AOPEP: variants seen among roughly 807,000 people sequenced by gnomAD.
AOPEP encodes the protein aminopeptidase O (putative), also known as aminopeptidase O.
Under a neutral mutation model 98.1 loss-of-function variants are expected in AOPEP, and 77 were observed. The observed-to-expected ratio is 0.78, with a 90% CI of 0.65 to 0.95. The LOEUF (loss-of-function observed/expected upper bound fraction) is 0.95. Ranked by LOEUF, AOPEP falls within the 40% of genes least tolerant of loss-of-function variation. The pLI, the probability that AOPEP is intolerant of heterozygous loss-of-function variation, is 0.00. For synonymous variants in AOPEP, 346 were observed against 365.3 expected (o/e 0.95, Z 0.60); for missense variants, 1,024 against 1,024.7 (o/e 1.00, Z 0.01).
At chr9:95,007,195 C>G (rs2062094962) in intron 13 of AOPEP, among the ~76,000 whole-genome samples, 1 of 152,102 alleles carries the variant, frequency 6.6e-6, no homozygotes, top group Non-Finnish European at 1.5e-5. Flanking sequence ...CCACTGCACC[C>G]TGCCAGCTGT....
At chr9:94,776,273 C>A (rs964190556) in intron 3 of AOPEP, among the ~76,000 whole-genome samples, 1 of 151,978 alleles carries the variant, frequency 6.6e-6, no homozygotes. Flanking sequence ...TGTAACAGAG[C>A]GTAAAGAGTA....
chr9:94,879,080 G>A (rs900852129), intron 5 of AOPEP, among the ~76,000 whole-genome samples: 12 of 152,222 alleles, frequency 7.9e-5, no homozygotes, highest in Non-Finnish European at 1.6e-4. Flanking sequence ...GGTGGTGACA[G>A]CTGATCCAGG....
intron 13 of AOPEP, among the ~76,000 whole-genome samples, chr9:95,007,997 C>A (rs1234818985): frequency 6.6e-6 from 1 of 152,114 alleles, no homozygotes; most frequent in Non-Finnish European, 1.5e-5. Flanking sequence ...GCAGATTATT[C>A]AATTTCTCTT....
intron 7 of AOPEP, among the ~76,000 whole-genome samples, chr9:94,941,255 C>A (rs889201492): frequency 3.9e-5 from 6 of 152,356 alleles, no homozygotes; most frequent in Admixed American, 3.3e-4. Flanking sequence ...GAAAAAAGTT[C>A]TTGCCTTTAT....
chr9:94,951,339 A>T (rs1025342987), intron 7 of AOPEP, among the ~76,000 whole-genome samples: 1 of 152,094 alleles, frequency 6.6e-6, no homozygotes, highest in African/African-American at 2.4e-5. Flanking sequence ...CACAGCCAAG[A>T]TGGGGACCTG....
intron 13 of AOPEP, among the ~76,000 whole-genome samples, chr9:95,033,297 C>T (rs6479592): frequency 0.78 from 119,032 of 152,026 alleles, 48,160 homozygotes; most frequent in Non-Finnish European, 0.89. Context: ...GTTCTGGTGC[C>T]GTGTGCTCAG....
At chr9:94,763,959 GT>G (rs2132567534) in intron 2 of AOPEP, among the ~76,000 whole-genome samples, 1 of 152,292 alleles carries the variant, frequency 6.6e-6, no homozygotes, top group South Asian at 2.1e-4. Context: ...CCTCAAGGAG[GT>G]GGGGCATAAC....
intron 5 of AOPEP, among the ~76,000 whole-genome samples, chr9:94,913,648 C>T (rs561922203): frequency 7.2e-5 from 11 of 152,306 alleles, no homozygotes; most frequent in African/African-American, 1.4e-4. Flanking sequence ...ACCACTAAGA[C>T]GGTCTCTGAC....
chr9:95,080,909 G>C (rs1310854424), intron 15 of AOPEP, 129 bp downstream of exon 15: 1 of 722,308 alleles, frequency 1.4e-6, no homozygotes, highest in Non-Finnish European at 2.4e-6. Flanking sequence ...TTAAGGACTG[G>C]TGGGATCTTG....
At chr9:94,880,483 C>T (rs2047453899) in intron 5 of AOPEP, among the ~76,000 whole-genome samples, 3 of 151,704 alleles carry the variant, frequency 2.0e-5, no homozygotes, top group Non-Finnish European at 2.9e-5. Context: ...CCTCCCACCT[C>T]AGCCCCCAGA....
intron 9 of AOPEP, among the ~76,000 whole-genome samples, chr9:94,958,247 T>G (rs766343766): frequency 7.2e-5 from 11 of 152,254 alleles, no homozygotes; most frequent in Non-Finnish European, 1.5e-4. Context: ...AGCTGAATGC[T>G]CCATTGCATG....
In AOPEP at chr9:95,086,192, C is replaced by T. The variant is rs1042344831; in HGVS notation, c.*5-490C>T. The T allele has an allele frequency of 4.6e-6, 6 of 1,303,534 alleles. No individual in the cohort carries two copies. The African/African-American group carries it at 7.6e-5, about 16-fold the overall frequency. The allele number at this position is 1,303,534 out of a possible 1,614,324, so 80.7% of individuals were successfully genotyped here. ...CAGGCCCGCGTCCACCCTGCGTCCA[C>T]CCCGGCCCGGCGGCAGCACGGTGCC... On this transcript the variant is annotated intron_variant, in intron 16 of 16. Transcript: ENST00000375315.
intron 5 of AOPEP, among the ~76,000 whole-genome samples, chr9:94,826,767 CTGA>C (rs1306368880): frequency 6.6e-6 from 1 of 151,900 alleles, no homozygotes; most frequent in African/African-American, 2.4e-5. Flanking sequence ...GGTGATGGAG[CTGA>C]TGATATTAGT....
intron 13 of AOPEP, among the ~76,000 whole-genome samples, chr9:95,022,658 G>A (rs1421899022): frequency 6.9e-6 from 1 of 144,782 alleles, no homozygotes; most frequent in Non-Finnish European, 1.5e-5. Context: ...TTTTTTTAAA[G>A]ACAGTTCATT....
intron 14 of AOPEP, among the ~76,000 whole-genome samples, chr9:95,071,295 C>G (rs1277326917): frequency 8.1e-6 from 1 of 123,016 alleles, no homozygotes; most frequent in African/African-American, 3.1e-5. Context: ...CCCCGCCCCA[C>G]ACACACACAC....
At chr9:94,729,876 CGAT>C (rs1830118063) in intron 1 of AOPEP, among the ~76,000 whole-genome samples, 1 of 151,806 alleles carries the variant, frequency 6.6e-6, no homozygotes, top group East Asian at 1.9e-4. Flanking sequence ...ACTGGAGTCT[CGAT>C]GAAAAAAGAA....
chr9:95,049,151 T>G (rs1048004102), intron 13 of AOPEP: 3 of 152,226 alleles, frequency 2.0e-5, no homozygotes, highest in Non-Finnish European at 2.9e-5. Flanking sequence ...AAGTGGTTCT[T>G]AGAAATTTTA....
At chr9:94,754,665 C>T (rs1158137792) in intron 1 of AOPEP, among the ~76,000 whole-genome samples, 1 of 152,154 alleles carries the variant, frequency 6.6e-6, no homozygotes, top group Non-Finnish European at 1.5e-5. Context: ...TTATTGAGAA[C>T]CTGCTGTGTT....
the AOPEP span, among the ~76,000 whole-genome samples, chr9:95,097,022 G>A: frequency 1.6e-3 from 250 of 152,318 alleles, no homozygotes; most frequent in African/African-American, 5.5e-3. Context: ...GGGGTGCACC[G>A]GCACCTAGTG....
Sources: allele counts gnomAD v4.1 joint callset (sites outside exome capture counted in the v4.1 genomes callset), GRCh38; gene constraint gnomAD v4.1.1; transcripts MANE v1.5; gene names NCBI Gene and HGNC (gene_info 2026-07-23, HGNC 2026-07-21).